Variants in EIF2D observed in about 807,000 individuals in gnomAD.
The protein encoded by EIF2D is eukaryotic translation initiation factor 2D.
Under a neutral mutation model 77.4 loss-of-function variants are expected in EIF2D, and 56 were observed. The observed-to-expected ratio is 0.72, with a 90% confidence interval of 0.58 to 0.90. The LOEUF (loss-of-function observed/expected upper bound fraction) is 0.90, where lower values mean the gene tolerates loss of function less well. EIF2D is among the 40% of genes least tolerant of loss of function. EIF2D has a pLI of 0.00. For missense variants in EIF2D, 574 were observed against 706.5 expected, an observed-to-expected ratio of 0.81 and a Z score of 2.13; for synonymous variants, 230 against 271.0, an observed-to-expected ratio of 0.85 and a Z score of 1.49.
At chr1:206,591,387 T>C (rs1487900765), downstream of EIF2D, among the ~76,000 whole-genome samples, 1 of 152,208 alleles carries the variant, frequency 6.6e-6, no homozygotes, top group Non-Finnish European at 1.5e-5. Flanking sequence ...TTTAGAGATG[T>C]GAAGGAACTA....
chr1:206,572,248 T>C (rs1668477266), intron 5 of EIF2D, among the ~76,000 whole-genome samples: 1 of 152,200 alleles, frequency 6.6e-6, no homozygotes, highest in Non-Finnish European at 1.5e-5. Flanking sequence ...ACCCCTATTG[T>C]GTGCCTGACA....
downstream of EIF2D, chr1:206,587,070 T>G: frequency 2.5e-5 from 36 of 1,469,146 alleles, no homozygotes; most frequent in Non-Finnish European, 2.7e-5. Flanking sequence ...AGGACATCTC[T>G]GGCAGGTGCA....
chr1:206,580,169 A>G (rs916076461), intron 4 of EIF2D, among the ~76,000 whole-genome samples: 1 of 152,210 alleles, frequency 6.6e-6, no homozygotes, highest in Non-Finnish European at 1.5e-5. Context: ...AGATGGGTCT[A>G]TCTGCTGAAG....
intron 11 of EIF2D, among the ~76,000 whole-genome samples, chr1:206,597,537 C>T (rs930715440): frequency 1.3e-5 from 2 of 152,232 alleles, no homozygotes; most frequent in Non-Finnish European, 2.9e-5. Context: ...AAGGTGTTGG[C>T]CAGGTGCAGT....
At chr1:206,569,426 C>T (rs1236584265), downstream of EIF2D, among the ~76,000 whole-genome samples, 1 of 152,152 alleles carries the variant, frequency 6.6e-6, no homozygotes, top group African/African-American at 2.4e-5. Context: ...AGAGAGAAGA[C>T]ATGGCAAATG....
At chr1:206,603,474 C>A (rs1670031970) in intron 5 of EIF2D, 1 of 349,052 alleles carries the variant, frequency 2.9e-6, no homozygotes, top group Non-Finnish European at 5.2e-6. Flanking sequence ...TAATAGACAT[C>A]CCAAGACTGA....
At position 206,603,132 on chromosome 1, in the gene EIF2D, C is replaced by G; in HGVS notation, c.603G>C (p.Glu201Asp). 1.2e-6 allele frequency: 2 copies of G among 1,614,188 alleles called. No individual in the cohort carries two copies. The highest frequency in any genetic ancestry group is 1.7e-6 in the Non-Finnish European group (2 of 1,180,040). The part of the protein sequence containing the change: ...LALDSADLSE[E>D]KGSVQMDSTL... ...TGGAGTCCATCTGGACAGACCCCTT[C>G]TCTTCACTGAGATCTGCTGAATCCA... The change falls in exon 6 of 15, where the codon GAG becomes GAC. Residue 201 changes from glutamate (E) to aspartate (D), a missense_variant. Glu to Asp is a conservative substitution (Grantham distance 45). Transcript: ENST00000271764.
intron 4 of EIF2D, among the ~76,000 whole-genome samples, chr1:206,573,745 C>T (rs533161068): frequency 3.4e-4 from 52 of 152,262 alleles, no homozygotes; most frequent in African/African-American, 6.5e-4. Context: ...TAGTGGCTCA[C>T]GCCTGTAATC....
At chr1:206,598,276 A>G (rs1186869856) in intron 11 of EIF2D, among the ~76,000 whole-genome samples, 1 of 151,944 alleles carries the variant, frequency 6.6e-6, no homozygotes, top group East Asian at 1.9e-4. Flanking sequence ...GGCCTCAAGC[A>G]ATCCTCCCAC....
At position 206,611,158 on chromosome 1, in the gene EIF2D, T is replaced by C. The variant is rs782364166; in HGVS notation, c.247+26A>G. 9.4e-6 allele frequency: 15 copies of C among 1,589,996 alleles called. No individual in the cohort carries two copies. In the African/African-American group the frequency reaches 1.2e-4, roughly 13 times the overall value. ...TTAGGCAAGAACTACCTAATGGTAA[T>C]GGCCATCTTCGTCCTGTTGTCATAC... On this transcript the variant is annotated intron_variant, in intron 2 of 14. Coordinates refer to ENST00000271764, the MANE Select transcript of EIF2D (RefSeq NM_006893.3).
In EIF2D at chr1:206,584,597, G is replaced by C. The variant is rs1669029632; in HGVS notation, c.139-3435C>G. On this transcript the variant is annotated intron_variant and NMD_transcript_variant, in intron 2 of 5. Coordinates refer to the EIF2D transcript ENST00000472709. The surrounding 1 kb of genome is among the most constrained non-coding windows in gnomAD (Gnocchi z 4.9). ...CAGCAGCACCACCACCGTCAGTGAGGTCATCCAGGGGCTGCTCAAGAAGTT... is the reference window on the plus strand; with the variant it reads ...CAGCAGCACCACCACCGTCAGTGAGCTCATCCAGGGGCTGCTCAAGAAGTT... The C allele has an allele frequency of 6.2e-7, 1 of 1,614,214 alleles. No individual in the cohort carries two copies. Among genetic ancestry groups the C allele is most frequent in the Non-Finnish European group, 8.5e-7 (1 of 1,180,038 alleles).
At chr1:206,605,583 ACATGTGGT>A in intron 4 of EIF2D, 76 bp from the exon 5 acceptor site, 1 of 1,279,488 alleles carries the variant, frequency 7.8e-7, no homozygotes, top group Non-Finnish European at 1.1e-6. Context: ...ATCTTCTGAC[ACATGTGGT>A]AAAAATACCA....
intron 2 of EIF2D, chr1:206,586,220 G>A (rs1328006175): frequency 1.3e-5 from 2 of 153,206 alleles, no homozygotes; most frequent in Non-Finnish European, 2.9e-5. Context: ...CTCAATTGTT[G>A]GCCGCACAGG....
intron 1 of EIF2D, among the ~76,000 whole-genome samples, chr1:206,611,667 T>C (rs6688392): frequency 0.089 from 13,502 of 152,314 alleles, 698 homozygotes; most frequent in South Asian, 0.16. Context: ...CCTTCCTGAC[T>C]TCATGCCTAG....
chr1:206,612,119 C>T (rs1553414163), intron 1 of EIF2D, among the ~76,000 whole-genome samples, 168 bp downstream of exon 1: 2 of 152,240 alleles, frequency 1.3e-5, no homozygotes, highest in Non-Finnish European at 2.9e-5. Flanking sequence ...CCTCCATCCT[C>T]ACCTCAAAAT....
chr1:206,585,362 TC>T (rs1553407414), intron 2 of EIF2D: 2 of 1,147,512 alleles, frequency 1.7e-6, no homozygotes, highest in Non-Finnish European at 2.6e-6. Flanking sequence ...GTGGGTGTTG[TC>T]CTAACTACCT....
Position 206,593,622 on chromosome 1 carries a change from G to T in EIF2D, c.1681C>A (p.Leu561Ile), listed in dbSNP as rs147301171. 32 of 1,605,670 alleles carry T rather than the reference G, an allele frequency of 2.0e-5. No individual in the cohort carries two copies. The highest frequency in any genetic ancestry group is 2.5e-5 in the Non-Finnish European group (29 of 1,173,976). ...ACTCTTCAGAGGGGATGCTCACCAA[G>T]CAATAGCCAGCCGAGGTGGTGGACC... ...NQVHHLGWLL[L>I]EEYQLPRKHI... Residue 561 changes from leucine to isoleucine, a missense_variant, in exon 14 of 15, where the codon CTT (leucine) becomes ATT (isoleucine). Transcript: ENST00000271764.
chr1:206,585,360 T>C, intron 2 of EIF2D: 1 of 1,162,940 alleles, frequency 8.6e-7, no homozygotes, highest in Non-Finnish European at 1.3e-6. Flanking sequence ...AGGTGGGTGT[T>C]GTCCTAACTA....
Position 206,611,380 on chromosome 1 carries a change from G to C in EIF2D, c.57-6C>G. 1 of 1,612,092 alleles carries C rather than the reference G, an allele frequency of 6.2e-7. No individual in the cohort carries two copies. The highest frequency in any genetic ancestry group is 8.5e-7 in the Non-Finnish European group (1 of 1,178,534). On this transcript the variant is annotated splice_polypyrimidine_tract_variant and splice_region_variant and intron_variant, in intron 1 of 14. Transcript: ENST00000271764. ...CATCAGCTCGAAGCTTTCTCCTGTG[G>C]AAAGCACACCAGCACTGTGAATGCT...
Sources: allele counts gnomAD v4.1 joint callset (sites outside exome capture counted in the v4.1 genomes callset), GRCh38; gene constraint gnomAD v4.1.1; non-coding constraint Gnocchi (gnomAD v3.1); transcripts MANE v1.5; gene names NCBI Gene and HGNC (gene_info 2026-07-23, HGNC 2026-07-21).